TRABD2B: variants seen among roughly 807,000 people sequenced by gnomAD.
The protein encoded by TRABD2B is metalloprotease TIKI2.
TRABD2B carries 14 observed loss-of-function variants against 40.1 expected under a neutral mutation model. That is an observed-to-expected ratio of 0.35 (90% confidence interval 0.23 to 0.55). TRABD2B has a LOEUF of 0.55. TRABD2B is among the 20% of genes least tolerant of loss of function. The pLI, the probability that TRABD2B is intolerant of heterozygous loss-of-function variation, is 0.90. For synonymous variants in TRABD2B, 263 were observed against 277.0 expected (o/e 0.95, Z 0.50); for missense variants, 541 against 648.6 (o/e 0.83, Z 1.80).
intron 2 of TRABD2B, among the ~76,000 whole-genome samples, chr1:47,825,443 G>T (rs1645162374): frequency 6.6e-6 from 1 of 152,126 alleles, no homozygotes; most frequent in Non-Finnish European, 1.5e-5. Flanking sequence ...AGTCTCCCAA[G>T]ACCCCATTCT....
chr1:47,826,350 TCTCA>T (rs1645173735), intron 2 of TRABD2B, among the ~76,000 whole-genome samples: 2 of 152,272 alleles, frequency 1.3e-5, no homozygotes, highest in African/African-American at 4.8e-5. Flanking sequence ...AAATCTGGGG[TCTCA>T]CTAATTCTCA....
intron 2 of TRABD2B, among the ~76,000 whole-genome samples, chr1:47,903,329 C>T (rs1314596981): frequency 2.6e-5 from 4 of 152,142 alleles, no homozygotes; most frequent in Non-Finnish European, 5.9e-5. Context: ...CCAACCATCC[C>T]CTATGCCTTG....
intron 2 of TRABD2B, among the ~76,000 whole-genome samples, chr1:47,853,623 T>C (rs144374519): frequency 1.2e-3 from 182 of 152,210 alleles, no homozygotes; most frequent in African/African-American, 3.5e-3. Context: ...TTAATATGGG[T>C]TATCCTGGGA....
intron 6 of TRABD2B, among the ~76,000 whole-genome samples, chr1:47,769,727 G>A (rs1422067989): frequency 6.6e-6 from 1 of 152,250 alleles, no homozygotes; most frequent in Non-Finnish European, 1.5e-5. Context: ...GGCCGCATCG[G>A]CTCTGAGTCA....
chr1:47,986,024 C>T (rs1645914214), intron 2 of TRABD2B, among the ~76,000 whole-genome samples: 1 of 152,110 alleles, frequency 6.6e-6, no homozygotes, highest in South Asian at 2.1e-4. Context: ...AACCCTGGTG[C>T]TCCAAAACCA....
intron 2 of TRABD2B, among the ~76,000 whole-genome samples, chr1:47,909,559 AAGGAGGAGGAGGAGGAGGAGG>A (rs71056647): frequency 1.7e-5 from 2 of 117,352 alleles, no homozygotes; most frequent in South Asian, 3.6e-4. Flanking sequence ...AAGAAGGAAG[AAGGAGGAGGAGGAGGAGGAGG>A]AGGAGGAGGA....
Position 47,882,451 on chromosome 1 carries a change from G to A in TRABD2B, c.667-80832C>T, listed in dbSNP as rs978597321. 2.6e-5 allele frequency among the ~76,000 whole-genome samples: 4 copies of A among 152,222 alleles called. No individual in the cohort carries two copies. In the East Asian group the frequency reaches 7.7e-4, roughly 29 times the overall value. ...ACCTTTGCAAAAGTCTTAGGGTTGC[G>A]GGTGAGGGGGTCTCTGTTCTCAGCT... On this transcript the variant is annotated intron_variant, in intron 2 of 6. Coordinates refer to ENST00000606738, the MANE Select transcript of TRABD2B (RefSeq NM_001194986.2).
chr1:47,930,579 G>T (rs138595636), intron 2 of TRABD2B, among the ~76,000 whole-genome samples: 1 of 152,302 alleles, frequency 6.6e-6, no homozygotes, highest in African/African-American at 2.4e-5. Flanking sequence ...CCTCAGAACT[G>T]GCTGTGTGAC....
Sources: allele counts gnomAD v4.1 joint callset (sites outside exome capture counted in the v4.1 genomes callset), GRCh38; gene constraint gnomAD v4.1.1; transcripts MANE v1.5; gene names NCBI Gene and HGNC (gene_info 2026-07-23, HGNC 2026-07-21).